The following GOLPH3L variants were observed in gnomAD, a reference collection of about 807,000 sequenced individuals.
GOLPH3L encodes the protein Golgi phosphoprotein 3-like.
GOLPH3L carries 22 observed loss-of-function variants against 30.3 expected under a neutral mutation model. The observed-to-expected ratio is 0.73, with a 90% CI of 0.52 to 1.04. GOLPH3L has a LOEUF of 1.04. Among genes scored for constraint, GOLPH3L ranks in the 50% least tolerant of loss-of-function variants. GOLPH3L has a pLI of 0.00. For missense variants in GOLPH3L, 303 were observed against 345.8 expected (o/e 0.88, Z 0.98); for synonymous variants, 120 against 128.2 (o/e 0.94, Z 0.43).
chr1:150,671,006 A>G (rs1387047883), intron 2 of GOLPH3L, among the ~76,000 whole-genome samples: 1 of 152,090 alleles, frequency 6.6e-6, no homozygotes, highest in Non-Finnish European at 1.5e-5. Flanking sequence ...TTGGGAGGCC[A>G]TGGTGGGTGG....
At chr1:150,667,822 C>T (rs972959118) in intron 2 of GOLPH3L, among the ~76,000 whole-genome samples, 17 of 152,116 alleles carry the variant, frequency 1.1e-4, no homozygotes, top group Non-Finnish European at 1.3e-4. Flanking sequence ...TCTTGATCTC[C>T]TGACCTCGTG....
chr1:150,668,446 G>T (rs1001902579), intron 2 of GOLPH3L, among the ~76,000 whole-genome samples: 1 of 152,116 alleles, frequency 6.6e-6, no homozygotes, highest in Admixed American at 6.5e-5. Context: ...GCAGTGGCAT[G>T]ATCTCATCTC....
At chr1:150,695,898 C>T (rs1651341118) in intron 1 of GOLPH3L, among the ~76,000 whole-genome samples, 1 of 151,196 alleles carries the variant, frequency 6.6e-6, no homozygotes, top group Non-Finnish European at 1.5e-5. Context: ...CAAATTTTCT[C>T]AATTTAAAAA....
chr1:150,694,975 G>C (rs1651315186), intron 1 of GOLPH3L, 125 bp from the exon 2 acceptor site: 2 of 617,914 alleles, frequency 3.2e-6, no homozygotes, highest in Non-Finnish European at 5.5e-6. Context: ...TAGAAAGAAA[G>C]GAAGGAGTAA....
At chr1:150,671,085 CA>C (rs1650632877) in intron 2 of GOLPH3L, among the ~76,000 whole-genome samples, 1 of 151,218 alleles carries the variant, frequency 6.6e-6, no homozygotes, top group Non-Finnish European at 1.5e-5. Context: ...ACTAAAAATA[CA>C]AAAAAATTAG....
chr1:150,695,629 AAC>A (rs1651334648), intron 1 of GOLPH3L, among the ~76,000 whole-genome samples: 1 of 152,334 alleles, frequency 6.6e-6, no homozygotes, highest in African/African-American at 2.4e-5. Context: ...ATTATAAAAA[AAC>A]ACAAAAAATA....
Position 150,690,143 on chromosome 1 carries a change from T to C in GOLPH3L, c.183+4513A>G, listed in dbSNP as rs1413828301. On this transcript the variant is annotated intron_variant, in intron 2 of 4. Coordinates refer to ENST00000271732, the MANE Select transcript of GOLPH3L (RefSeq NM_018178.6). ...CTGAAACTGCAGGTATGTGACACCA[T>C]GCCAGGCTAATTTTTATATTTTTTG... Among the ~76,000 whole-genome samples the C allele has an allele frequency of 3.3e-5, 5 of 152,104 alleles. No individual in the cohort carries two copies. In the East Asian group the frequency reaches 7.7e-4, roughly 24 times the overall value.
intron 2 of GOLPH3L, among the ~76,000 whole-genome samples, chr1:150,667,147 C>G (rs906629613): frequency 2.0e-5 from 3 of 152,176 alleles, no homozygotes; most frequent in Non-Finnish European, 4.4e-5. Context: ...AATCTCAAGA[C>G]TGATTTGGTA....
At chr1:150,679,672 C>T (rs1026154483) in intron 2 of GOLPH3L, among the ~76,000 whole-genome samples, 1 of 152,152 alleles carries the variant, frequency 6.6e-6, no homozygotes, top group Admixed American at 6.5e-5. Flanking sequence ...TGGCGGCATA[C>T]GCCTGTAGTC....
At chr1:150,662,970 A>G (rs185290644) in intron 3 of GOLPH3L, among the ~76,000 whole-genome samples, 14 of 152,158 alleles carry the variant, frequency 9.2e-5, no homozygotes, top group African/African-American at 2.9e-4. Flanking sequence ...ATTGGAGAAT[A>G]ACCAGGGTTA....
At chr1:150,681,669 T>C (rs1438970007) in intron 2 of GOLPH3L, among the ~76,000 whole-genome samples, 2 of 152,130 alleles carry the variant, frequency 1.3e-5, no homozygotes, top group East Asian at 3.8e-4. Context: ...TTAAAAATAA[T>C]GGGGTATGTT....
chr1:150,677,954 G>A (rs1650853785), intron 2 of GOLPH3L, among the ~76,000 whole-genome samples: 1 of 151,378 alleles, frequency 6.6e-6, no homozygotes, highest in Admixed American at 6.6e-5. Context: ...TAAGAGATAT[G>A]TCATGATGTT....
At chr1:150,659,965 T>C (rs1650332625) in intron 4 of GOLPH3L, among the ~76,000 whole-genome samples, 1 of 151,850 alleles carries the variant, frequency 6.6e-6, no homozygotes, top group Non-Finnish European at 1.5e-5. Flanking sequence ...GCCCGGGAGA[T>C]AGAGGTTGCA....
intron 4 of GOLPH3L, among the ~76,000 whole-genome samples, chr1:150,656,556 T>A (rs1264738280): frequency 6.6e-6 from 1 of 152,176 alleles, no homozygotes; most frequent in Non-Finnish European, 1.5e-5. Flanking sequence ...ATTTGCTAAT[T>A]TTTCCAACTC....
intron 2 of GOLPH3L, among the ~76,000 whole-genome samples, chr1:150,678,355 T>C (rs1650869635): frequency 6.7e-6 from 1 of 148,808 alleles, no homozygotes; most frequent in South Asian, 2.1e-4. Flanking sequence ...AAAGAGATTA[T>C]TAAGAGGTTG....
chr1:150,688,819 C>T (rs1651147931), intron 2 of GOLPH3L, among the ~76,000 whole-genome samples: 1 of 152,140 alleles, frequency 6.6e-6, no homozygotes, highest in African/African-American at 2.4e-5. Context: ...CTTCTTCCCT[C>T]TCCTACTGCT....
At chr1:150,683,874 A>C (rs2101813962) in intron 2 of GOLPH3L, among the ~76,000 whole-genome samples, 1 of 152,068 alleles carries the variant, frequency 6.6e-6, no homozygotes, top group Non-Finnish European at 1.5e-5. Context: ...TTCATAACCT[A>C]TTTTTTCTAA....
At chr1:150,664,409 A>G (rs587691270) in intron 2 of GOLPH3L, among the ~76,000 whole-genome samples, 2 of 152,194 alleles carry the variant, frequency 1.3e-5, no homozygotes, top group African/African-American at 4.8e-5. Context: ...AAAAAGTAAA[A>G]AGCATTTGAG....
intron 2 of GOLPH3L, among the ~76,000 whole-genome samples, chr1:150,678,284 C>CAAAAAAAAAAAAAAAA (rs75131824): frequency 4.4e-5 from 2 of 45,934 alleles, no homozygotes; most frequent in South Asian, 1.5e-3. Flanking sequence ...AACTCCGTCT[C>CAAAAAAAAAAAAAAAA]AAAAAAAAAA....
Sources: gnomAD v4.1 joint callset for allele counts (sites outside exome capture counted in the v4.1 genomes callset) on GRCh38, gnomAD v4.1.1 for gene constraint, MANE v1.5 for transcripts, NCBI Gene and HGNC (gene_info 2026-07-23, HGNC 2026-07-21) for gene names.